Variants in NPHP1 observed in about 807,000 individuals in gnomAD.
NPHP1 encodes nephrocystin 1.
A neutral mutation model predicts 90.4 loss-of-function variants in NPHP1; 70 were observed. The observed-to-expected ratio is 0.77, with a 90% CI of 0.64 to 0.95. The LOEUF is 0.95. Among genes scored for constraint, NPHP1 ranks in the 40% least tolerant of loss-of-function variants. The pLI, the probability that NPHP1 is intolerant of heterozygous loss-of-function variation, is 0.00. For missense variants in NPHP1, 764 were observed against 795.9 expected (o/e 0.96, Z 0.48); for synonymous variants, 256 against 271.7 (o/e 0.94, Z 0.57).
At chr2:110,141,977 A>AAAC (rs1271959272) in intron 16 of NPHP1, among the ~76,000 whole-genome samples, 11 of 150,058 alleles carry the variant, frequency 7.3e-5, no homozygotes, top group African/African-American at 2.5e-4. Flanking sequence ...TGTCTCAAAA[A>AAAC]AAAAAAAAAA....
chr2:110,127,321 G>A (rs963176549), intron 18 of NPHP1: 2 of 152,130 alleles, frequency 1.3e-5, no homozygotes, highest in Non-Finnish European at 2.9e-5. Flanking sequence ...AAATAAACCT[G>A]TGCTAACCAC....
At chr2:110,197,841 GA>G (rs1449107132) in intron 2 of NPHP1, among the ~76,000 whole-genome samples, 3 of 152,076 alleles carry the variant, frequency 2.0e-5, no homozygotes, top group Admixed American at 6.6e-5. Context: ...CTTAGACTCA[GA>G]AATTTCGCTT....
intron 2 of NPHP1, among the ~76,000 whole-genome samples, chr2:110,192,559 T>C (rs978760361): frequency 6.6e-6 from 1 of 152,060 alleles, no homozygotes; most frequent in Non-Finnish European, 1.5e-5. Flanking sequence ...ATGGGGAGAA[T>C]TGAACCAAGT....
intron 16 of NPHP1, among the ~76,000 whole-genome samples, chr2:110,141,711 G>A (rs985533833): frequency 2.0e-5 from 3 of 152,064 alleles, no homozygotes; most frequent in Non-Finnish European, 4.4e-5. Flanking sequence ...GGTGGCTCAA[G>A]CCTGTAATCC....
At chr2:110,124,166 C>T (rs956952356) in intron 19 of NPHP1, 103 bp from the exon 20 acceptor site, 1 of 1,318,450 alleles carries the variant, frequency 7.6e-7, no homozygotes, top group Non-Finnish European at 1.1e-6. Context: ...ATGGAGGGTG[C>T]CATTAGTGCC....
intron 13 of NPHP1, among the ~76,000 whole-genome samples, chr2:110,147,261 T>TA (rs1480742938): frequency 6.6e-6 from 1 of 151,964 alleles, no homozygotes; most frequent in Non-Finnish European, 1.5e-5. Flanking sequence ...TAGAGGCCCC[T>TA]AAGGCTTCCT....
At chr2:110,152,800 G>A (rs936280502) in intron 11 of NPHP1, among the ~76,000 whole-genome samples, 9 of 151,942 alleles carry the variant, frequency 5.9e-5, no homozygotes, top group Non-Finnish European at 1.2e-4. Flanking sequence ...CTGAACTGGG[G>A]TTGGGAGAGG....
Position 110,196,586 on chromosome 2 carries a change from G to T in NPHP1, c.143+4835C>A, listed in dbSNP as rs552532069. Among the ~76,000 whole-genome samples, 408 of 152,308 alleles carry T rather than the reference G, an allele frequency of 2.7e-3. 4 individuals are homozygous for T. Among genetic ancestry groups the T allele is most frequent in the Non-Finnish European group, 5.0e-3 (340 of 68,030 alleles). ...GTAAACTAGTTCAACCATTGTGGAA[G>T]TCAGTGTGGCGATTCCTCAGGAATC... On this transcript the variant is annotated intron_variant, in intron 2 of 19. Transcript: ENST00000445609.
intron 2 of NPHP1, 131 bp downstream of exon 2, chr2:110,201,290 T>C: frequency 1.4e-6 from 1 of 722,152 alleles, no homozygotes; most frequent in Non-Finnish European, 2.4e-6. Flanking sequence ...GTTGGTTTCT[T>C]CTACATTCAA....
chr2:110,147,977 G>C lies in NPHP1; in HGVS notation c.1208C>G (p.Ser403Cys), dbSNP rs1289872262. ...CLLDGDCFIR[S>C]NSASPDLGIL... The stretch of plus-strand genomic sequence containing the variant: ...TCCAAGATCTGGAGATGCAGAATTA[G>C]ACCTGATAAAGCAATCACCATCAAG... The change falls in exon 13 of 20, where the codon TCT (serine) becomes TGT (cysteine). Residue 403 changes from serine to cysteine, a missense_variant. Coordinates refer to ENST00000445609, the MANE Select transcript of NPHP1 (RefSeq NM_001128178.3). The C allele has an allele frequency of 6.2e-7, 1 of 1,611,634 alleles. No individual in the cohort carries two copies. The highest frequency in any genetic ancestry group is 8.5e-7 in the Non-Finnish European group (1 of 1,177,862).
chr2:110,145,254 C>T (rs1181857007), intron 14 of NPHP1, among the ~76,000 whole-genome samples: 1 of 152,170 alleles, frequency 6.6e-6, no homozygotes, highest in Non-Finnish European at 1.5e-5. Flanking sequence ...CTCAATTCTG[C>T]TCCTCAGAGG....
intron 10 of NPHP1, among the ~76,000 whole-genome samples, chr2:110,160,981 C>T (rs1011961449): frequency 6.6e-6 from 1 of 151,918 alleles, no homozygotes; most frequent in African/African-American, 2.4e-5. Flanking sequence ...AGCCTGGCAA[C>T]GTGGCAAAAC....
At chr2:110,133,551 A>G (rs753550530) in intron 16 of NPHP1, among the ~76,000 whole-genome samples, 3 of 152,086 alleles carry the variant, frequency 2.0e-5, no homozygotes, top group African/African-American at 7.2e-5. Context: ...CATTTACAAA[A>G]CACTCTACCC....
intron 2 of NPHP1, among the ~76,000 whole-genome samples, chr2:110,197,077 G>C (rs994760083): frequency 1.3e-5 from 2 of 152,228 alleles, no homozygotes; most frequent in Admixed American, 1.3e-4. Context: ...GGAGCTGAAT[G>C]ATGAGAACAC....
At chr2:110,201,554 C>T (rs1685579630) in intron 1 of NPHP1, 60 bp from the exon 2 acceptor site, 2 of 1,207,496 alleles carry the variant, frequency 1.7e-6, no homozygotes, top group Non-Finnish European at 2.4e-6. Context: ...GGAAAGAAAA[C>T]TTCTTTTTTT....
chr2:110,173,640 T>A (rs1298300731), intron 4 of NPHP1, among the ~76,000 whole-genome samples: 1 of 152,222 alleles, frequency 6.6e-6, no homozygotes, highest in Non-Finnish European at 1.5e-5. Context: ...TGTACAGGTT[T>A]GTAGCCTAGG....
intron 16 of NPHP1, among the ~76,000 whole-genome samples, chr2:110,141,294 T>G (rs1680606788): frequency 6.6e-6 from 1 of 152,226 alleles, no homozygotes; most frequent in Non-Finnish European, 1.5e-5. Context: ...CTAACACTAT[T>G]GTGTTAGTTA....
At chr2:110,184,361 C>G (rs894735988) in intron 2 of NPHP1, 1 of 611,656 alleles carries the variant, frequency 1.6e-6, no homozygotes, top group Non-Finnish European at 3.1e-6. Flanking sequence ...TGCAGACTTT[C>G]TCAGAGGAGC....
intron 19 of NPHP1, 73 bp downstream of exon 19, chr2:110,125,564 G>C: frequency 7.2e-7 from 1 of 1,396,864 alleles, no homozygotes; most frequent in Non-Finnish European, 1.0e-6. Flanking sequence ...CTAAAAAAGA[G>C]ACATGATTAG....
Sources: gnomAD v4.1 joint callset for allele counts (sites outside exome capture counted in the v4.1 genomes callset) on GRCh38, gnomAD v4.1.1 for gene constraint, MANE v1.5 for transcripts, NCBI Gene and HGNC (gene_info 2026-07-23, HGNC 2026-07-21) for gene names.